Variants in NDE1 observed in about 807,000 individuals in gnomAD.
NDE1 encodes the protein nuclear distribution protein nudE homolog 1.
NDE1 carries 28 observed loss-of-function variants against 43.4 expected under a neutral mutation model. The ratio of observed to expected loss-of-function variants is 0.65; its 90% CI spans 0.48 to 0.89. The LOEUF is 0.89. NDE1 is among the 40% of genes least tolerant of loss of function. NDE1 has a pLI of 0.00. For synonymous variants in NDE1, 184 were observed against 172.0 expected, an observed-to-expected ratio of 1.07 and a Z score of -0.55; for missense variants, 441 against 434.1, an observed-to-expected ratio of 1.02 and a Z score of -0.14.
chr16:15,677,012 G>C (rs1274983045), intron 3 of NDE1, among the ~76,000 whole-genome samples: 1 of 152,106 alleles, frequency 6.6e-6, no homozygotes, highest in Non-Finnish European at 1.5e-5. Flanking sequence ...GAAGAATGAT[G>C]GAGGCTATAG....
intron 4 of NDE1, among the ~76,000 whole-genome samples, chr16:15,683,854 C>T (rs934685372): frequency 6.6e-6 from 1 of 151,762 alleles, no homozygotes; most frequent in Non-Finnish European, 1.5e-5. Context: ...GTGAGACTCC[C>T]GTCTCTAGAA....
Position 15,687,372 on chromosome 16 carries a change from C to T in NDE1, c.387-3C>T, listed in dbSNP as rs1390749668. 1 of 1,613,994 alleles carries T rather than the reference C, an allele frequency of 6.2e-7. No homozygotes were observed. The highest frequency in any genetic ancestry group is 2.2e-5 in the East Asian group (1 of 44,886). On this transcript the variant is annotated splice_polypyrimidine_tract_variant and splice_region_variant and intron_variant, in intron 4 of 8. Coordinates refer to ENST00000396354, the MANE Select transcript of NDE1 (RefSeq NM_017668.3). ...TGGATAACTCTGCTTTTCTCTTCGC[C>T]AGCGCCACGATCATGTCTCTCGAAG...
intron 1 of NDE1, chr16:15,651,434 T>TG (rs2036495992): frequency 6.7e-6 from 1 of 148,876 alleles, no homozygotes; most frequent in Non-Finnish European, 1.5e-5. Context: ...CAACCCGTTT[T>TG]TTTTTTTTTT....
At chr16:15,646,133 T>C (rs1339687067), upstream of NDE1, among the ~76,000 whole-genome samples, 1 of 152,194 alleles carries the variant, frequency 6.6e-6, no homozygotes. Context: ...TATGGAAAAT[T>C]TGGGAAATTG....
intron 8 of NDE1, chr16:15,717,086 C>G: frequency 6.3e-7 from 1 of 1,580,760 alleles, no homozygotes; most frequent in Non-Finnish European, 8.7e-7. Flanking sequence ...CACTATGACT[C>G]CTGCTGTCCA....
Position 15,725,527 on chromosome 16 carries a change from CT to C in NDE1, c.*1280del, listed in dbSNP as rs2040710696. ...AAAACGTCCTCTCTGTATTCTCTGG[CT>C]TTTACTCCCTAGTGTCTCTGCATAA... On this transcript the variant is annotated 3_prime_UTR_variant, in exon 9 of 9. Transcript: ENST00000396354. 2.4e-6 allele frequency: 1 copy of C among 417,624 alleles called. No individual in the cohort carries two copies. Among genetic ancestry groups the C allele is most frequent in the Non-Finnish European group, 4.2e-6 (1 of 236,628 alleles). 25.9% of individuals were successfully genotyped at this position (417,624 alleles called of 1,614,324 possible). A position where few individuals can be genotyped will look rare whatever the true frequency, so the allele number is the denominator to read the frequency against.
intron 8 of NDE1, 31 bp downstream of exon 8, chr16:15,696,891 C>A (rs766528693): frequency 4.4e-6 from 7 of 1,607,620 alleles, no homozygotes; most frequent in South Asian, 1.1e-5. Flanking sequence ...CTCTCGCTGG[C>A]GGGGAGAACC....
chr16:15,657,710 T>C (rs879271234), intron 1 of NDE1, among the ~76,000 whole-genome samples: 3 of 152,126 alleles, frequency 2.0e-5, no homozygotes, highest in South Asian at 2.1e-4. Context: ...TTTTTCCTGC[T>C]TCATCCTTCT....
intron 8 of NDE1, chr16:15,703,688 G>C (rs779858301): frequency 6.6e-6 from 3 of 456,392 alleles, no homozygotes; most frequent in Middle Eastern, 5.9e-4. Flanking sequence ...TCCTGGGCTG[G>C]AGCGTTCTTC....
intron 8 of NDE1, among the ~76,000 whole-genome samples, chr16:15,709,982 T>C (rs62029305): frequency 6.6e-6 from 1 of 152,206 alleles, no homozygotes; most frequent in Non-Finnish European, 1.5e-5. Context: ...AAACTCGCAC[T>C]ACAGTTCCTT....
intron 7 of NDE1, chr16:15,694,779 G>A: frequency 4.1e-6 from 4 of 985,370 alleles, no homozygotes; most frequent in Non-Finnish European, 4.8e-6. Flanking sequence ...TGAACCCTAT[G>A]TATGTCTCTT....
At chr16:15,714,222 G>A (rs941159151) in intron 8 of NDE1, 7 of 153,840 alleles carry the variant, frequency 4.6e-5, no homozygotes, top group Admixed American at 1.3e-4. Context: ...GGACCCCCAA[G>A]GTACCAGAGG....
chr16:15,662,287 T>TC (rs1292828465), intron 1 of NDE1, among the ~76,000 whole-genome samples: 2 of 147,094 alleles, frequency 1.4e-5, no homozygotes, highest in Admixed American at 6.8e-5. Flanking sequence ...TTTCTTTTTT[T>TC]TTTTTTTTTT....
In NDE1 at chr16:15,667,055, G is replaced by A. The variant is rs2037342770; in HGVS notation, c.84-231G>A. On this transcript the variant is annotated intron_variant, in intron 2 of 8. Transcript: ENST00000396354. The stretch of plus-strand genomic sequence containing the variant: ...CCAGTCAGGAGATCGAGACCAGCCT[G>A]GCCAACATGGTGAAACCCCGTCACT... Among the ~76,000 whole-genome samples, 6 of 152,104 alleles carry A rather than the reference G, an allele frequency of 3.9e-5. No individual in the cohort carries two copies. In the South Asian group the frequency reaches 1.0e-3, roughly 26 times the overall value.
chr16:15,722,344 A>G (rs1455331483), intron 8 of NDE1, among the ~76,000 whole-genome samples: 1 of 152,218 alleles, frequency 6.6e-6, no homozygotes, highest in Non-Finnish European at 1.5e-5. Flanking sequence ...GTGGCCCTGC[A>G]CACATATCTC....
In NDE1 at chr16:15,691,147, T is replaced by C; in HGVS notation, c.527T>C (p.Leu176Ser). The C allele has an allele frequency of 6.2e-7, 1 of 1,614,032 alleles. No homozygotes were observed. The highest frequency in any genetic ancestry group is 1.1e-5 in the South Asian group (1 of 91,082). ...VQRLKDEARD[L>S]RQELAVQQKQ... ...CTGAATCCTTTTTCTGGCACAGATT[T>C]GCGGCAGGAACTGGCCGTGCAGCAG... The change falls in exon 6 of 9, where the codon TTG becomes TCG. Residue 176 changes from leucine to serine, a missense_variant. Physicochemically the swap from Leu to Ser is moderately radical, Grantham distance 145. Coordinates refer to ENST00000396354, the MANE Select transcript of NDE1 (RefSeq NM_017668.3).
exon 1 of NDE1, chr16:15,643,705 C>T (rs2036212668): frequency 4.5e-6 from 1 of 223,650 alleles, no homozygotes; most frequent in African/African-American, 2.4e-5. Flanking sequence ...AACTGCCAAC[C>T]TGGCTTCCTA....
chr16:15,665,011 T>G (rs2037230666), intron 2 of NDE1, 150 bp downstream of exon 2: 2 of 651,482 alleles, frequency 3.1e-6, no homozygotes, highest in Admixed American at 5.3e-5. Flanking sequence ...TCATCCTGGC[T>G]CAGCCTCCCA....
At chr16:15,691,892 A>T (rs760025) in intron 6 of NDE1, among the ~76,000 whole-genome samples, 69,560 of 151,556 alleles carry the variant, frequency 0.46, 16,827 homozygotes, top group Middle Eastern at 0.57. Context: ...GCTGATCCCA[A>T]AGTGCTGGGA....
Sources: gnomAD v4.1 joint callset for allele counts (sites outside exome capture counted in the v4.1 genomes callset) on GRCh38, gnomAD v4.1.1 for gene constraint, MANE v1.5 for transcripts, NCBI Gene and HGNC (gene_info 2026-07-23, HGNC 2026-07-21) for gene names.